The following DPH6 variants were observed in gnomAD, a reference collection of about 807,000 sequenced individuals.
DPH6 encodes diphthamine biosynthesis 6.
DPH6 carries 33 observed loss-of-function variants against 38.2 expected under a neutral mutation model. That is an observed-to-expected ratio of 0.86 (90% CI 0.65 to 1.15). The LOEUF is 1.15. Ranked by LOEUF, DPH6 falls within the 50% of genes most tolerant of loss-of-function variation. DPH6 has a pLI of 0.00. For synonymous variants in DPH6, 108 were observed against 103.0 expected (o/e 1.05, Z -0.30); for missense variants, 325 against 320.0 (o/e 1.02, Z -0.12).
downstream of DPH6, among the ~76,000 whole-genome samples, chr15:35,369,293 T>C (rs2140917163): frequency 6.6e-6 from 1 of 151,930 alleles, no homozygotes; most frequent in South Asian, 2.1e-4. Context: ...ACAGATTGAT[T>C]TTAAGAGTGG....
intron 3 of DPH6, among the ~76,000 whole-genome samples, chr15:35,483,535 T>A (rs1198252815): frequency 1.3e-5 from 2 of 150,074 alleles, no homozygotes; most frequent in Admixed American, 6.6e-5. Context: ...AGAATGTGTA[T>A]AATCAAAAAG....
rs1165939476 is a variant in DPH6 at position 35,496,567 on chromosome 15, AATAT to A, written c.312+41703_312+41706del. 2.6e-3 allele frequency among the ~76,000 whole-genome samples: 80 copies of A among 31,014 alleles called. 4 individuals carry two copies. In the South Asian group the frequency reaches 0.061, roughly 24 times the overall value. The allele number at this position is 31,014 out of a possible 152,430, so 20.3% of individuals were successfully genotyped here. A position where few individuals can be genotyped will look rare whatever the true frequency, so the allele number is the denominator to read the frequency against. Reference sequence around the variant, plus strand: ...GAAAGTTCCATCTCAAAAAAAAAAAAATATATATATATATATATATATATCCTCT... The same window carrying A: ...GAAAGTTCCATCTCAAAAAAAAAAAAATATATATATATATATATATCCTCT... On this transcript the variant is annotated intron_variant, in intron 3 of 8. Coordinates refer to ENST00000256538, the MANE Select transcript of DPH6 (RefSeq NM_080650.4).
At chr15:35,145,022 T>G in the DPH6 span, among the ~76,000 whole-genome samples, 1 of 152,334 alleles carries the variant, frequency 6.6e-6, no homozygotes, top group East Asian at 1.9e-4. Flanking sequence ...AAGATTTTAG[T>G]TGATTTCTAA....
chr15:35,490,389 C>T (rs898060979), intron 3 of DPH6, among the ~76,000 whole-genome samples: 5 of 152,082 alleles, frequency 3.3e-5, no homozygotes, highest in Non-Finnish European at 4.4e-5. Context: ...TTATGAATTG[C>T]TATGTTTTTA....
intron 3 of DPH6, among the ~76,000 whole-genome samples, chr15:35,342,120 G>T (rs2052426281): frequency 6.6e-6 from 1 of 152,214 alleles, no homozygotes; most frequent in East Asian, 1.9e-4. Flanking sequence ...GGGGCCCTCA[G>T]AATGATGCTG....
In DPH6 at chr15:35,227,598, C is replaced by T. The variant is rs551312023; in HGVS notation, n.201-7016G>A. Among the ~76,000 whole-genome samples the T allele has an allele frequency of 4.0e-5, 6 of 151,510 alleles. No individual in the cohort carries two copies. The South Asian group carries it at 8.3e-4, about 21-fold the overall frequency. ...AAAACCAACTTTTTGTTTTATTGAT[C>T]TTTTGTATTATTTTCTTCATTTCAA... On this transcript the variant is annotated intron_variant and non_coding_transcript_variant, in intron 3 of 3. Coordinates refer to the DPH6 transcript ENST00000560386.
downstream of DPH6, among the ~76,000 whole-genome samples, chr15:35,328,687 T>G (rs2052304281): frequency 6.6e-6 from 1 of 152,324 alleles, no homozygotes; most frequent in African/African-American, 2.4e-5. Context: ...ATTGAGAAGT[T>G]TTAAATGAAT....
intron 3 of DPH6, among the ~76,000 whole-genome samples, chr15:35,226,131 A>C (rs2051479049): frequency 6.6e-6 from 1 of 151,406 alleles, no homozygotes; most frequent in South Asian, 2.1e-4. Context: ...ACAAAAAATA[A>C]ATAAATAAAT....
At chr15:35,377,016 C>T (rs1036086481) in intron 7 of DPH6, among the ~76,000 whole-genome samples, 14 of 151,876 alleles carry the variant, frequency 9.2e-5, no homozygotes, top group Admixed American at 9.2e-4. Flanking sequence ...ATATATACAC[C>T]AATAACAGTA....
the DPH6 span, among the ~76,000 whole-genome samples, chr15:35,211,511 G>A: frequency 6.6e-6 from 1 of 152,200 alleles, no homozygotes; most frequent in South Asian, 2.1e-4. Flanking sequence ...GGAGGAGGAA[G>A]AGAGGAGCAT....
intron 5 of DPH6, among the ~76,000 whole-genome samples, chr15:35,443,245 C>T (rs906469150): frequency 1.3e-5 from 2 of 152,066 alleles, no homozygotes; most frequent in Non-Finnish European, 2.9e-5. Flanking sequence ...TATATTGTTA[C>T]CATTTTAATA....
intron 3 of DPH6, chr15:35,521,785 A>T: frequency 8.1e-7 from 1 of 1,238,960 alleles, no homozygotes; most frequent in Non-Finnish European, 1.0e-6. Context: ...GTTGATTCAT[A>T]TACAAGCATT....
the DPH6 span, among the ~76,000 whole-genome samples, chr15:35,159,059 T>A: frequency 6.6e-6 from 1 of 152,126 alleles, no homozygotes; most frequent in African/African-American, 2.4e-5. Context: ...ACTTCTACTT[T>A]TCTAAGCTGG....
intron 3 of DPH6, among the ~76,000 whole-genome samples, chr15:35,228,092 T>C: frequency 6.6e-6 from 1 of 152,216 alleles, no homozygotes; most frequent in Non-Finnish European, 1.5e-5. Context: ...TAATGTGTAT[T>C]CTGCAGTCAT....
chr15:35,334,467 C>T (rs2052352054), intron 3 of DPH6, among the ~76,000 whole-genome samples: 1 of 151,808 alleles, frequency 6.6e-6, no homozygotes, highest in Non-Finnish European at 1.5e-5. Flanking sequence ...TAAATGTGTG[C>T]CATGGTGGTT....
At chr15:35,235,954 A>G (rs1027497816) in intron 3 of DPH6, among the ~76,000 whole-genome samples, 3 of 152,212 alleles carry the variant, frequency 2.0e-5, no homozygotes, top group Non-Finnish European at 4.4e-5. Flanking sequence ...GAGAACATGG[A>G]CTAATAATAT....
At position 35,402,120 on chromosome 15, in the gene DPH6, T is replaced by C. The variant is rs147960029; in HGVS notation, c.567+8715A>G. On this transcript the variant is annotated intron_variant, in intron 6 of 8. Transcript: ENST00000256538. ...ATGTGTCTTTTTAAAAAACGTGTTGTGTAGTTAGTCTACTCTGAAGCCATC... is the reference window on the plus strand; with the variant it reads ...ATGTGTCTTTTTAAAAAACGTGTTGCGTAGTTAGTCTACTCTGAAGCCATC... Among the ~76,000 whole-genome samples, 79 of 152,346 alleles carry C rather than the reference T, an allele frequency of 5.2e-4. No individual in the cohort carries two copies. In the East Asian group the frequency reaches 0.014, roughly 28 times the overall value.
At chr15:35,493,156 T>G (rs1314326894) in intron 3 of DPH6, among the ~76,000 whole-genome samples, 1 of 152,152 alleles carries the variant, frequency 6.6e-6, no homozygotes, top group African/African-American at 2.4e-5. Flanking sequence ...ATGGTTCTCC[T>G]TGGTCAGAAA....
At chr15:35,189,445 A>G in the DPH6 span, among the ~76,000 whole-genome samples, 1 of 152,156 alleles carries the variant, frequency 6.6e-6, no homozygotes, top group African/African-American at 2.4e-5. Flanking sequence ...TCCTCCTCAA[A>G]TATAATCCAC....
Sources: gnomAD v4.1 joint callset for allele counts (sites outside exome capture counted in the v4.1 genomes callset) on GRCh38, gnomAD v4.1.1 for gene constraint, MANE v1.5 for transcripts, NCBI Gene and HGNC (gene_info 2026-07-23, HGNC 2026-07-21) for gene names.